The following SEPTIN11 variants were observed in gnomAD, a reference collection of about 807,000 sequenced individuals.
The protein encoded by SEPTIN11 is septin 11, also known as septin-11.
SEPTIN11 carries 25 observed loss-of-function variants against 51.4 expected under a neutral mutation model. That is an observed-to-expected ratio of 0.49 (90% CI 0.35 to 0.68). The LOEUF (loss-of-function observed/expected upper bound fraction) is 0.68. SEPTIN11 is among the 30% of genes least tolerant of loss of function. SEPTIN11 has a pLI of 0.00. For missense variants in SEPTIN11, 381 were observed against 520.8 expected (o/e 0.73, Z 2.61); for synonymous variants, 174 against 184.1 (o/e 0.95, Z 0.44).
At chr4:76,975,533 C>A (rs1449978481) in intron 1 of SEPTIN11, among the ~76,000 whole-genome samples, 1 of 152,046 alleles carries the variant, frequency 6.6e-6, no homozygotes, top group East Asian at 1.9e-4. Flanking sequence ...TTTTTCAAGT[C>A]AAAAAATTAG....
intron 9 of SEPTIN11, among the ~76,000 whole-genome samples, chr4:77,033,314 A>G (rs1181868130): frequency 1.3e-5 from 2 of 152,246 alleles, no homozygotes; most frequent in Admixed American, 6.5e-5. Context: ...GGGAGTTGCC[A>G]TTCAGGAACT....
At chr4:76,955,076 C>T (rs1485201171) in intron 1 of SEPTIN11, among the ~76,000 whole-genome samples, 1 of 151,650 alleles carries the variant, frequency 6.6e-6, no homozygotes, top group African/African-American at 2.4e-5. Flanking sequence ...AATAACATTC[C>T]TTTGGGAAGA....
rs117362124 is a variant in SEPTIN11, at chr4:76,979,741, C to T, written c.28-16684C>T. Among the ~76,000 whole-genome samples, 19 of 151,640 alleles carry T rather than the reference C, an allele frequency of 1.3e-4. No homozygotes were observed. The East Asian group carries it at 2.9e-3, about 23-fold the overall frequency. On this transcript the variant is annotated intron_variant, in intron 1 of 9. Coordinates refer to ENST00000264893, the MANE Select transcript of SEPTIN11 (RefSeq NM_018243.4). ...TCTACTAAAAAATACAAAAATTAGC[C>T]GAGCGTGCTGGTGGGCGCCTGTAAT...
intron 1 of SEPTIN11, chr4:76,974,864 TG>T: frequency 8.8e-6 from 4 of 456,614 alleles, no homozygotes; most frequent in South Asian, 6.2e-5. Flanking sequence ...GGCTCATGCC[TG>T]TAATCCCAAC....
chr4:77,034,804 T>G lies in SEPTIN11; in HGVS notation c.*292T>G. 1.8e-6 allele frequency: 2 copies of G among 1,112,630 alleles called. No individual in the cohort carries two copies. Among genetic ancestry groups the G allele is most frequent in the Non-Finnish European group, 2.2e-6 (2 of 912,288 alleles). 68.9% of individuals were successfully genotyped at this position (1,112,630 alleles called of 1,614,324 possible). A position where few individuals can be genotyped will look rare whatever the true frequency, so the allele number is the denominator to read the frequency against. ...GCACGAAGCAGGCCTGTTACTTGTATGTCGCTTTGGACAGAGGAAAGTGGG... is the reference window on the plus strand; with the variant it reads ...GCACGAAGCAGGCCTGTTACTTGTAGGTCGCTTTGGACAGAGGAAAGTGGG... On this transcript the variant is annotated 3_prime_UTR_variant, in exon 10 of 10. Coordinates refer to ENST00000264893, the MANE Select transcript of SEPTIN11 (RefSeq NM_018243.4).
chr4:77,009,521 A>T (rs370625290), intron 3 of SEPTIN11, among the ~76,000 whole-genome samples: 32 of 152,356 alleles, frequency 2.1e-4, no homozygotes, highest in East Asian at 1.5e-3. Flanking sequence ...ATGATTGGCC[A>T]GGACTCTCTA....
At chr4:77,021,474 C>CT (rs1553976552) in intron 7 of SEPTIN11, 14 of 151,964 alleles carry the variant, frequency 9.2e-5, no homozygotes, top group Non-Finnish European at 1.6e-4. Flanking sequence ...AGTTTTCTTT[C>CT]TTTTTTTTTG....
At chr4:76,999,052 A>G (rs1459455627) in intron 2 of SEPTIN11, among the ~76,000 whole-genome samples, 8 of 152,152 alleles carry the variant, frequency 5.3e-5, no homozygotes, top group Non-Finnish European at 8.8e-5. Context: ...TTTTACACAA[A>G]TGAGATCATG....
chr4:76,973,638 A>C (rs1247859349), intron 1 of SEPTIN11, among the ~76,000 whole-genome samples: 1 of 152,182 alleles, frequency 6.6e-6, no homozygotes, highest in Non-Finnish European at 1.5e-5. Flanking sequence ...ACAGAAACCA[A>C]AATCTATTTA....
intron 3 of SEPTIN11, among the ~76,000 whole-genome samples, chr4:77,007,963 T>C (rs1382414665): frequency 6.6e-6 from 1 of 152,204 alleles, no homozygotes; most frequent in East Asian, 1.9e-4. Flanking sequence ...TTACCTACTT[T>C]GGGGATTAGG....
rs1727000119 is a variant in SEPTIN11 at position 77,036,032 on chromosome 4, T to C, written c.*1520T>C. On this transcript the variant is annotated 3_prime_UTR_variant, in exon 10 of 10. Transcript: ENST00000264893. ...CTCCCCTGACACACACTTTCTTTTT[T>C]GAATGAGCAAGTCTCCATTTTGATT... 1.0e-6 allele frequency: 1 copy of C among 985,978 alleles called. No individual in the cohort carries two copies. Among genetic ancestry groups the C allele is most frequent in the African/African-American group, 1.7e-5 (1 of 57,384 alleles). 61.1% of individuals were successfully genotyped at this position (985,978 alleles called of 1,614,324 possible).
At chr4:77,039,363 C>A, downstream of SEPTIN11, 1 of 1,093,552 alleles carries the variant, frequency 9.1e-7, no homozygotes, top group Non-Finnish European at 1.1e-6. Context: ...AAACGTGGGC[C>A]AAGACCCAAG....
intron 1 of SEPTIN11, among the ~76,000 whole-genome samples, chr4:76,991,364 G>C (rs1005796063): frequency 1.3e-5 from 2 of 152,222 alleles, no homozygotes; most frequent in African/African-American, 4.8e-5. Context: ...ATGTCTGTCT[G>C]ACTCTAAGCC....
chr4:76,995,400 T>C lies in SEPTIN11; in HGVS notation c.28-1025T>C, dbSNP rs1025290520. Among the ~76,000 whole-genome samples, 5 of 151,492 alleles carry C rather than the reference T, an allele frequency of 3.3e-5. No homozygotes were observed. The East Asian group carries it at 9.7e-4, about 29-fold the overall frequency. On this transcript the variant is annotated intron_variant, in intron 1 of 9. Coordinates refer to ENST00000264893, the MANE Select transcript of SEPTIN11 (RefSeq NM_018243.4). ...CATCTCAAAAAATAAATAATAAAAA[T>C]AAAAATAATAAATAATAAAAATAAA...
chr4:77,037,304 G>C lies in SEPTIN11; in HGVS notation c.*2792G>C. ...TTGAACTTGGGAGATGGAGGTTGCA[G>C]TGAGCCAAGATTGCACCACTGCATT... On this transcript the variant is annotated 3_prime_UTR_variant, in exon 10 of 10. Coordinates refer to ENST00000264893, the MANE Select transcript of SEPTIN11 (RefSeq NM_018243.4). 1 of 881,122 alleles carries C rather than the reference G, an allele frequency of 1.1e-6. No homozygotes were observed. The highest frequency in any genetic ancestry group is 5.2e-5 in the South Asian group (1 of 19,254). 54.6% of individuals were successfully genotyped at this position (881,122 alleles called of 1,614,324 possible).
intron 2 of SEPTIN11, among the ~76,000 whole-genome samples, chr4:77,004,111 A>G (rs1315399007): frequency 6.6e-6 from 1 of 152,178 alleles, no homozygotes; most frequent in Admixed American, 6.5e-5. Context: ...TTGACTCAAC[A>G]ATAAGAATTA....
At chr4:76,955,955 C>T (rs376058559) in intron 1 of SEPTIN11, among the ~76,000 whole-genome samples, 11 of 152,076 alleles carry the variant, frequency 7.2e-5, no homozygotes, top group African/African-American at 2.7e-4. Flanking sequence ...CTCTTTCCAC[C>T]TTGGACTTCA....
intron 2 of SEPTIN11, among the ~76,000 whole-genome samples, chr4:77,003,290 C>G (rs1724246441): frequency 6.6e-6 from 1 of 152,130 alleles, no homozygotes; most frequent in Non-Finnish European, 1.5e-5. Flanking sequence ...TTGTCTGTGG[C>G]CAACTAGCAG....
chr4:77,003,566 G>C (rs1349557557), intron 2 of SEPTIN11, among the ~76,000 whole-genome samples: 1 of 152,142 alleles, frequency 6.6e-6, no homozygotes, highest in Non-Finnish European at 1.5e-5. Context: ...GATCTTAGAT[G>C]TTCAGGGACA....
Sources: gnomAD v4.1 joint callset for allele counts (sites outside exome capture counted in the v4.1 genomes callset) on GRCh38, gnomAD v4.1.1 for gene constraint, MANE v1.5 for transcripts, NCBI Gene and HGNC (gene_info 2026-07-23, HGNC 2026-07-21) for gene names.